The following ASMT variants were observed in gnomAD, a reference collection of about 807,000 sequenced individuals.
ASMT encodes the protein acetylserotonin N-methyltransferase.
In ASMT, 53 loss-of-function variants were observed where a neutral mutation model predicts 41.3. The observed-to-expected ratio is 1.28, with a 90% confidence interval of 1.03 to 1.61. ASMT has a LOEUF of 1.61. ASMT is among the 40% of genes most tolerant of loss of function. The pLI is 0.00. For missense variants in ASMT, 531 were observed against 441.3 expected (o/e 1.20, Z -1.82); for synonymous variants, 231 against 184.8 (o/e 1.25, Z -2.03).
At chrX:1,627,793 CCAA>C (rs772119901) in intron 4 of ASMT, 22 bp downstream of exon 4, 1 of 1,608,512 alleles carries the variant, frequency 6.2e-7, no homozygotes, top group Admixed American at 1.7e-5. Flanking sequence ...CACTTTGAAA[CCAA>C]CAACTCAGAT....
chrX:1,616,252 C>A (rs1371290163), intron 1 of ASMT, among the ~76,000 whole-genome samples: 1 of 151,436 alleles, frequency 6.6e-6, no homozygotes, highest in East Asian at 1.9e-4. Context: ...TGGTCTCGAA[C>A]TCCTGACCTC....
At chrX:1,623,461 T>A (rs1220236541) in intron 2 of ASMT, 148 bp downstream of exon 2, 2 of 995,780 alleles carry the variant, frequency 2.0e-6, no homozygotes, top group Non-Finnish European at 3.1e-6. Context: ...TAGCCGGGTG[T>A]GGTGGCGTGC....
At chrX:1,623,406 C>T (rs1336800152) in intron 2 of ASMT, 93 bp downstream of exon 2, 12 of 1,494,680 alleles carry the variant, frequency 8.0e-6, no homozygotes, top group Admixed American at 1.8e-5. Flanking sequence ...TCCATCCTGG[C>T]TCACACAGTG....
At chrX:1,624,560 G>C (rs1308497062) in intron 3 of ASMT, 162 bp downstream of exon 3, 1 of 891,230 alleles carries the variant, frequency 1.1e-6, no homozygotes, top group African/African-American at 2.2e-5. Flanking sequence ...GGAGGTGGGG[G>C]CTGCACCCAG....
rs1327668014 is a variant in ASMT, at chrX:1,618,383, C to T, written c.69+3115C>T. ...TTCATCATGTTGGCCAGGCTGGTGT[C>T]GAACTCCTGACCTCGGGCGATCTGC... On this transcript the variant is annotated intron_variant, in intron 1 of 8. Coordinates refer to ENST00000381241, the MANE Select transcript of ASMT (RefSeq NM_001171038.2). Among the ~76,000 whole-genome samples the T allele has an allele frequency of 2.5e-4, 38 of 151,846 alleles. 1 individual carries two copies. Among genetic ancestry groups the T allele is most frequent in the African/African-American group, 9.2e-4 (38 of 41,400 alleles).
intron 8 of ASMT, among the ~76,000 whole-genome samples, chrX:1,639,175 C>T (rs1603461822): frequency 9.1e-3 from 1 of 110 alleles, no homozygotes; most frequent in Non-Finnish European, 0.013. Flanking sequence ...GTGAGGTCCA[C>T]CCATCCTGAT....
chrX:1,615,109 G>A lies in ASMT; in HGVS notation c.-91G>A, dbSNP rs1934027743. 17 of 1,123,300 alleles carry A rather than the reference G, an allele frequency of 1.5e-5. No individual in the cohort carries two copies. The East Asian group carries it at 4.4e-4, about 29-fold the overall frequency. 69.6% of individuals were successfully genotyped at this position (1,123,300 alleles called of 1,614,324 possible). A position where few individuals can be genotyped will look rare whatever the true frequency, so the allele number is the denominator to read the frequency against. On this transcript the variant is annotated 5_prime_UTR_variant, in exon 1 of 9. Transcript: ENST00000381241. ...GAGAGTCAGGCAGCAGCTGTGAGCGGGTGGCTCTTCCCCACCTTGCCAGCA... is the reference window on the plus strand; with the variant it reads ...GAGAGTCAGGCAGCAGCTGTGAGCGAGTGGCTCTTCCCCACCTTGCCAGCA...
intron 7 of ASMT, among the ~76,000 whole-genome samples, chrX:1,634,354 C>G (rs1211145652): frequency 2.0e-5 from 3 of 152,204 alleles, no homozygotes; most frequent in Non-Finnish European, 4.4e-5. Context: ...ACACCACTCA[C>G]TGCCAGCCTG....
chrX:1,623,548 G>A (rs1388543107), intron 2 of ASMT, among the ~76,000 whole-genome samples: 7 of 152,128 alleles, frequency 4.6e-5, no homozygotes, highest in East Asian at 1.9e-4. Context: ...GCAGTGAGCC[G>A]AGATCGTGCC....
Position 1,633,134 on chromosome X carries a change from C to T in ASMT, c.647-16C>T, listed in dbSNP as rs745756870. ...GGTTCATCTCTGAGGGTCAAACGGG[C>T]TGTGTCCCCTTCCAGGTGGGGCTGG... is the stretch of plus-strand genomic sequence containing the variant. On this transcript the variant is annotated splice_polypyrimidine_tract_variant and intron_variant, in intron 6 of 8. Coordinates refer to ENST00000381241, the MANE Select transcript of ASMT (RefSeq NM_001171038.2). 2.5e-6 allele frequency: 4 copies of T among 1,613,916 alleles called. No homozygotes were observed. The highest frequency in any genetic ancestry group is 1.1e-5 in the South Asian group (1 of 91,080).
rs1289833377 is a variant in ASMT, at chrX:1,630,060, T to G, written c.562+121T>G. On this transcript the variant is annotated intron_variant, in intron 5 of 8. Transcript: ENST00000381241. The stretch of plus-strand genomic sequence containing the variant: ...TTTGACATGTGCGGCCTTACTGGTC[T>G]TAGAGGAATCATTCCTCCCAGCACT... The G allele has an allele frequency of 3.2e-6, 3 of 929,272 alleles. No homozygotes were observed. In the Admixed American group the frequency reaches 5.3e-5, roughly 16 times the overall value. The allele number at this position is 929,272 out of a possible 1,614,324, so 57.6% of individuals were successfully genotyped here. A position where few individuals can be genotyped will look rare whatever the true frequency, so the allele number is the denominator to read the frequency against.
intron 7 of ASMT, among the ~76,000 whole-genome samples, chrX:1,635,006 G>C (rs111755597): frequency 4.9e-5 from 5 of 102,554 alleles, no homozygotes; most frequent in South Asian, 3.7e-4. Flanking sequence ...ATGGAGTCTC[G>C]CTCTGTCACC....
At chrX:1,620,782 G>C (rs1460354893) in intron 1 of ASMT, among the ~76,000 whole-genome samples, 1 of 152,208 alleles carries the variant, frequency 6.6e-6, no homozygotes, top group East Asian at 1.9e-4. Flanking sequence ...CCAGCTAGTC[G>C]GGAGGCTGAG....
chrX:1,631,433 T>C (rs1934772803), intron 5 of ASMT, among the ~76,000 whole-genome samples: 1 of 151,424 alleles, frequency 6.6e-6, no homozygotes, highest in African/African-American at 2.4e-5. Flanking sequence ...GCTGTCACAC[T>C]CCAGGCCGTG....
Position 1,615,261 on chromosome X carries a change from T to C in ASMT, c.62T>C (p.Val21Ala), listed in dbSNP as rs1934038161. ...AATGACTACGCCAACGGCTTCATGG[T>C]GTCCCAGGTAGGATACGCTCTGTGG... is the stretch of plus-strand genomic sequence containing the variant. The part of the protein sequence containing the change: ...LLNDYANGFM[V>A]SQVLFAACEL... The change falls in exon 1 of 9, where the codon GTG (valine) becomes GCG (alanine). Residue 21 changes from valine (V) to alanine (A), a missense_variant. Transcript: ENST00000381241. 1 of 1,592,800 alleles carries C rather than the reference T, an allele frequency of 6.3e-7. No individual in the cohort carries two copies. The highest frequency in any genetic ancestry group is 8.5e-7 in the Non-Finnish European group (1 of 1,169,600).
chrX:1,635,005 C>G (rs1157311796), intron 7 of ASMT, among the ~76,000 whole-genome samples: 2 of 113,936 alleles, frequency 1.8e-5, no homozygotes, highest in Admixed American at 9.8e-5. Context: ...GATGGAGTCT[C>G]GCTCTGTCAC....
rs1180256764 is a variant in ASMT, at chrX:1,620,166, C to CTTT, written c.70-2952_70-2950dup. On this transcript the variant is annotated intron_variant, in intron 1 of 8. Coordinates refer to ENST00000381241, the MANE Select transcript of ASMT (RefSeq NM_001171038.2). Reference sequence around the variant, plus strand: ...CATTAAAGAACAAGAATTAATATAGCTTTTTTTTTTTTTTTTTTTTTTTGA... The same window carrying CTTT: ...CATTAAAGAACAAGAATTAATATAGCTTTTTTTTTTTTTTTTTTTTTTTTTTGA... Among the ~76,000 whole-genome samples, 126 of 95,408 alleles carry CTTT rather than the reference C, an allele frequency of 1.3e-3. 1 individual carries two copies. The highest frequency in any genetic ancestry group is 2.2e-3 in the South Asian group (4 of 1,844). 62.6% of individuals were successfully genotyped at this position (95,408 alleles called of 152,430 possible). A position where few individuals can be genotyped will look rare whatever the true frequency, so the allele number is the denominator to read the frequency against.
In ASMT at chrX:1,637,075, C is replaced by G. The variant is rs745535138; in HGVS notation, c.910+515C>G. Among the ~76,000 whole-genome samples the G allele has an allele frequency of 6.6e-5, 7 of 105,656 alleles. 1 individual carries two copies. The highest frequency in any genetic ancestry group is 3.2e-4 in the South Asian group (1 of 3,156). 69.3% of individuals were successfully genotyped at this position (105,656 alleles called of 152,430 possible). ...GCACATGAGGATGTGGGCACAGCCT[C>G]TGTGTGTGAGATAAGGACTGTGTCC... On this transcript the variant is annotated intron_variant, in intron 8 of 8. Coordinates refer to ENST00000381241, the MANE Select transcript of ASMT (RefSeq NM_001171038.2).
intron 3 of ASMT, among the ~76,000 whole-genome samples, chrX:1,625,789 T>G (rs1417704024): frequency 6.6e-6 from 1 of 150,766 alleles, no homozygotes; most frequent in Non-Finnish European, 1.5e-5. Flanking sequence ...CCCGTCTCTA[T>G]TAAAAATACA....
Sources: gnomAD v4.1 joint callset for allele counts (sites outside exome capture counted in the v4.1 genomes callset) on GRCh38, gnomAD v4.1.1 for gene constraint, MANE v1.5 for transcripts, NCBI Gene and HGNC (gene_info 2026-07-23, HGNC 2026-07-21) for gene names.